RORA: variants seen among roughly 807,000 people sequenced by gnomAD.
The protein encoded by RORA is RAR related orphan receptor A, also known as nuclear receptor ROR-alpha.
A neutral mutation model predicts 69.5 loss-of-function variants in RORA; 7 were observed. The ratio of observed to expected loss-of-function variants is 0.10; its 90% CI spans 0.06 to 0.19. The LOEUF is 0.19. Among genes scored for constraint, RORA ranks in the 10% least tolerant of loss-of-function variants. The pLI is 1.00. For missense variants in RORA, 457 were observed against 663.0 expected, an observed-to-expected ratio of 0.69 and a Z score of 3.41; for synonymous variants, 261 against 240.8, an observed-to-expected ratio of 1.08 and a Z score of -0.78.
chr15:61,211,285 A>C (rs1026661920), intron 1 of RORA, among the ~76,000 whole-genome samples: 37 of 54,138 alleles, frequency 6.8e-4, no homozygotes, highest in Non-Finnish European at 1.3e-3. Context: ...AAACAACAGC[A>C]AAAAAAAAAA....
intron 1 of RORA, among the ~76,000 whole-genome samples, chr15:60,748,030 C>T (rs981647327): frequency 1.3e-5 from 2 of 152,148 alleles, no homozygotes; most frequent in Non-Finnish European, 2.9e-5. Context: ...GCTTCAGTTA[C>T]AAGCAAACTT....
chr15:60,629,597 A>G (rs866658439), intron 2 of RORA, among the ~76,000 whole-genome samples: 3 of 152,210 alleles, frequency 2.0e-5, no homozygotes, highest in South Asian at 4.1e-4. Context: ...GAGTTGCTGT[A>G]AGAGGCCCTG....
intron 1 of RORA, among the ~76,000 whole-genome samples, chr15:60,698,867 A>T (rs150097279): frequency 6.6e-6 from 1 of 152,166 alleles, no homozygotes; most frequent in African/African-American, 2.4e-5. Context: ...TTTTGTCTGC[A>T]TTTTTAAAAA....
chr15:61,024,111 G>C (rs565133928), intron 1 of RORA, among the ~76,000 whole-genome samples: 8 of 152,048 alleles, frequency 5.3e-5, no homozygotes, highest in Non-Finnish European at 1.2e-4. Flanking sequence ...CCAAGAGAGA[G>C]AGGTAGTAAT....
chr15:60,787,585 C>G (rs148790397), intron 1 of RORA, among the ~76,000 whole-genome samples: 79 of 152,296 alleles, frequency 5.2e-4, no homozygotes, highest in African/African-American at 1.7e-3. Flanking sequence ...TTCTGCAACC[C>G]ATACTGAGCA....
chr15:60,761,842 T>C (rs1009598602), intron 1 of RORA, among the ~76,000 whole-genome samples: 2 of 152,178 alleles, frequency 1.3e-5, no homozygotes, highest in Non-Finnish European at 2.9e-5. Context: ...GTTTCAAATG[T>C]TCCTTAAAAC....
chr15:60,599,507 T>A (rs1165767977), intron 2 of RORA, among the ~76,000 whole-genome samples: 1 of 152,182 alleles, frequency 6.6e-6, no homozygotes, highest in African/African-American at 2.4e-5. Context: ...GCTGAGATCG[T>A]GTCACTGCAC....
intron 2 of RORA, among the ~76,000 whole-genome samples, chr15:60,606,390 C>G (rs2068945793): frequency 6.6e-6 from 1 of 152,212 alleles, no homozygotes; most frequent in Non-Finnish European, 1.5e-5. Context: ...ACGAAGAGTT[C>G]TATTTTCAGC....
At chr15:61,119,083 G>C (rs113021597) in intron 1 of RORA, among the ~76,000 whole-genome samples, 1 of 90,626 alleles carries the variant, frequency 1.1e-5, no homozygotes, top group African/African-American at 4.0e-5. Flanking sequence ...TTAACAGAAG[G>C]GGGGGGGGGG....
chr15:60,741,413 G>A (rs2071573973), intron 1 of RORA, among the ~76,000 whole-genome samples: 1 of 152,158 alleles, frequency 6.6e-6, no homozygotes, highest in Non-Finnish European at 1.5e-5. Context: ...GGGCTTCAGG[G>A]GTTCTTTCTT....
At chr15:60,984,801 CT>C (rs3985701) in intron 1 of RORA, among the ~76,000 whole-genome samples, 185 of 137,228 alleles carry the variant, frequency 1.3e-3, no homozygotes, top group African/African-American at 2.7e-3. Context: ...CTACATATGT[CT>C]TTTTTTTTTT....
At chr15:60,731,632 C>A (rs933320392) in intron 1 of RORA, among the ~76,000 whole-genome samples, 4 of 152,266 alleles carry the variant, frequency 2.6e-5, no homozygotes, top group Admixed American at 6.5e-5. Context: ...CTTTGGTGAA[C>A]TAGAACAGAG....
At chr15:60,512,398 C>T (rs566797612) in intron 4 of RORA, among the ~76,000 whole-genome samples, 3 of 152,258 alleles carry the variant, frequency 2.0e-5, no homozygotes, top group East Asian at 3.9e-4. Flanking sequence ...GCGATCCTCC[C>T]GCCTTGGCCT....
intron 1 of RORA, among the ~76,000 whole-genome samples, chr15:60,913,311 C>T (rs2140481408): frequency 6.6e-6 from 1 of 152,292 alleles, no homozygotes; most frequent in South Asian, 2.1e-4. Flanking sequence ...TTACAGAGAG[C>T]TCCCAGTTAC....
At chr15:60,702,511 C>T (rs547840583) in intron 1 of RORA, among the ~76,000 whole-genome samples, 28 of 152,282 alleles carry the variant, frequency 1.8e-4, no homozygotes, top group African/African-American at 6.5e-4. Flanking sequence ...GGATTACAGG[C>T]GTGAGCCACC....
chr15:60,551,113 T>C (rs1340238158), intron 2 of RORA, among the ~76,000 whole-genome samples: 1 of 152,160 alleles, frequency 6.6e-6, no homozygotes, highest in Non-Finnish European at 1.5e-5. Context: ...TAACTATAGC[T>C]ATATAGGGAA....
At chr15:60,830,039 T>C (rs1200045115) in intron 1 of RORA, among the ~76,000 whole-genome samples, 2 of 152,232 alleles carry the variant, frequency 1.3e-5, no homozygotes, top group Non-Finnish European at 2.9e-5. Context: ...ACTGAGCACA[T>C]GACTTTGTGT....
intron 1 of RORA, among the ~76,000 whole-genome samples, chr15:61,020,578 C>A (rs1394805297): frequency 6.6e-6 from 1 of 152,196 alleles, no homozygotes; most frequent in Non-Finnish European, 1.5e-5. Flanking sequence ...CTTCTCCAAT[C>A]CAGATGCTTC....
chr15:60,843,955 G>C (rs896401831), intron 1 of RORA, among the ~76,000 whole-genome samples: 5 of 152,144 alleles, frequency 3.3e-5, no homozygotes, highest in Admixed American at 6.5e-5. Flanking sequence ...ACTCTGCTCA[G>C]GGCACAGGAA....
Sources: gnomAD v4.1 joint callset for allele counts (sites outside exome capture counted in the v4.1 genomes callset) on GRCh38, gnomAD v4.1.1 for gene constraint, MANE v1.5 for transcripts, NCBI Gene and HGNC (gene_info 2026-07-23, HGNC 2026-07-21) for gene names.